RFC3: variants seen among roughly 807,000 people sequenced by gnomAD.
The protein encoded by RFC3 is replication factor C subunit 3.
A neutral mutation model predicts 45.1 loss-of-function variants in RFC3; 41 were observed. The observed-to-expected ratio is 0.91, with a 90% CI of 0.71 to 1.18. The LOEUF is 1.18. Ranked by LOEUF, RFC3 falls within the 50% of genes most tolerant of loss-of-function variation. RFC3 has a pLI of 0.00. For missense variants in RFC3, 423 were observed against 428.1 expected, an observed-to-expected ratio of 0.99 and a Z score of 0.10; for synonymous variants, 149 against 144.0, an observed-to-expected ratio of 1.03 and a Z score of -0.25.
At chr13:33,895,909 G>A (rs1347343856) in intron 8 of RFC3, among the ~76,000 whole-genome samples, 1 of 152,024 alleles carries the variant, frequency 6.6e-6, no homozygotes, top group Non-Finnish European at 1.5e-5. Flanking sequence ...ACTCAGGAAT[G>A]GAAAACCAAA....
rs1438247683 is a variant in RFC3 at position 33,877,862 on chromosome 13, A to T, written c.879+42645A>T. On this transcript the variant is annotated intron_variant, in intron 8 of 8. Coordinates refer to the RFC3 transcript ENST00000434425. ...AAACATTTCACTATAATGGATTATA[A>T]TAAGTTTATATTAAATATATTTCTA... Among the ~76,000 whole-genome samples, 5 of 149,470 alleles carry T rather than the reference A, an allele frequency of 3.3e-5. No individual in the cohort carries two copies. The Admixed American group carries it at 3.3e-4, about 10-fold the overall frequency.
chr13:33,860,450 T>C (rs762283907), intron 8 of RFC3, among the ~76,000 whole-genome samples: 1 of 152,170 alleles, frequency 6.6e-6, no homozygotes, highest in East Asian at 1.9e-4. Context: ...AGTGACTGTA[T>C]TGCTCCTTAC....
At chr13:33,886,932 A>G (rs946414048) in intron 8 of RFC3, among the ~76,000 whole-genome samples, 13 of 148,478 alleles carry the variant, frequency 8.8e-5, no homozygotes, top group Non-Finnish European at 1.6e-4. Context: ...ATGATTTCCA[A>G]TTTCATCCAT....
chr13:33,968,237 C>T (rs1284886993), downstream of RFC3, among the ~76,000 whole-genome samples: 2 of 152,180 alleles, frequency 1.3e-5, no homozygotes, highest in African/African-American at 4.8e-5. Flanking sequence ...AAGCGATTCT[C>T]CTGTCTCAGC....
intron 3 of RFC3, 72 bp from the exon 4 acceptor site, chr13:33,825,717 A>G: frequency 1.3e-6 from 1 of 789,102 alleles, no homozygotes; most frequent in Non-Finnish European, 1.9e-6. Flanking sequence ...TGACCACTTA[A>G]GAACTTCACC....
intron 8 of RFC3, among the ~76,000 whole-genome samples, chr13:33,866,889 A>G (rs2082377056): frequency 6.6e-6 from 1 of 152,222 alleles, no homozygotes; most frequent in Admixed American, 6.5e-5. Flanking sequence ...AGGGTAAATA[A>G]TCATGTTTTT....
intron 7 of RFC3, among the ~76,000 whole-genome samples, chr13:33,834,610 A>G (rs1016321020): frequency 1.3e-5 from 2 of 151,856 alleles, no homozygotes; most frequent in Admixed American, 6.6e-5. Context: ...TTACTGTGCA[A>G]TCTAGGCAGT....
At chr13:33,860,776 C>T (rs2082336038) in intron 8 of RFC3, among the ~76,000 whole-genome samples, 1 of 152,150 alleles carries the variant, frequency 6.6e-6, no homozygotes, top group Admixed American at 6.5e-5. Flanking sequence ...CAATTAACGT[C>T]CCTTTAAATA....
chr13:33,870,174 T>C (rs891210387), intron 8 of RFC3, among the ~76,000 whole-genome samples: 1 of 152,236 alleles, frequency 6.6e-6, no homozygotes, highest in African/African-American at 2.4e-5. Flanking sequence ...CAGCTCAGCT[T>C]CATAAAAAAT....
chr13:33,974,641 G>T, the RFC3 span, among the ~76,000 whole-genome samples: 2 of 152,278 alleles, frequency 1.3e-5, no homozygotes, highest in African/African-American at 2.4e-5. Flanking sequence ...ATGTCAATTA[G>T]TGGAAAACTA....
chr13:33,872,972 TA>T (rs1219483458), intron 8 of RFC3, among the ~76,000 whole-genome samples: 2 of 152,142 alleles, frequency 1.3e-5, no homozygotes, highest in Non-Finnish European at 2.9e-5. Context: ...AATTAACTTT[TA>T]AAGTTGGGCT....
At chr13:33,861,593 C>G (rs904186228) in intron 8 of RFC3, among the ~76,000 whole-genome samples, 8 of 149,218 alleles carry the variant, frequency 5.4e-5, no homozygotes, top group Non-Finnish European at 8.9e-5. Flanking sequence ...TGCAGGGAGC[C>G]GAGATCATGC....
chr13:33,891,040 G>A (rs1050427796), intron 8 of RFC3, among the ~76,000 whole-genome samples: 4 of 152,088 alleles, frequency 2.6e-5, no homozygotes, highest in Admixed American at 1.3e-4. Context: ...GGTGAAAAAG[G>A]TTATAATTTC....
chr13:33,840,444 T>C (rs1232243840), downstream of RFC3, among the ~76,000 whole-genome samples: 1 of 152,204 alleles, frequency 6.6e-6, no homozygotes, highest in Non-Finnish European at 1.5e-5. Context: ...ATCTGTCATT[T>C]CTGGATCTGT....
chr13:33,954,546 A>G (rs948515070), intron 8 of RFC3, among the ~76,000 whole-genome samples: 13 of 152,238 alleles, frequency 8.5e-5, no homozygotes, highest in African/African-American at 3.1e-4. Flanking sequence ...TAGTTCGTTC[A>G]GGCAGTTATG....
intron 8 of RFC3, among the ~76,000 whole-genome samples, chr13:33,903,174 C>G (rs1027567623): frequency 1.3e-5 from 2 of 152,052 alleles, no homozygotes; most frequent in Admixed American, 1.3e-4. Flanking sequence ...CTTGCTCAGC[C>G]TACTACAGAG....
intron 1 of RFC3, among the ~76,000 whole-genome samples, chr13:33,818,491 G>T (rs1257274463): frequency 2.0e-5 from 3 of 152,252 alleles, no homozygotes; most frequent in Non-Finnish European, 2.9e-5. Context: ...GAAGGAAATT[G>T]AAAAGTCATA....
intron 8 of RFC3, among the ~76,000 whole-genome samples, chr13:33,932,565 A>G (rs2137775075): frequency 6.6e-6 from 1 of 152,222 alleles, no homozygotes; most frequent in African/African-American, 2.4e-5. Flanking sequence ...AATATGAGAA[A>G]TTCCATGAAA....
chr13:33,860,352 A>C (rs1414935899), intron 8 of RFC3, among the ~76,000 whole-genome samples: 2 of 152,024 alleles, frequency 1.3e-5, no homozygotes, highest in Non-Finnish European at 2.9e-5. Flanking sequence ...CCACACACTC[A>C]CTTGCTTGGA....
Sources: allele counts gnomAD v4.1 joint callset (sites outside exome capture counted in the v4.1 genomes callset), GRCh38; gene constraint gnomAD v4.1.1; transcripts MANE v1.5; gene names NCBI Gene and HGNC (gene_info 2026-07-23, HGNC 2026-07-21).